Variants in HIP1 observed in about 807,000 individuals in gnomAD.
The protein encoded by HIP1 is huntingtin interacting protein 1.
A neutral mutation model predicts 147.6 loss-of-function variants in HIP1; 65 were observed. That is an observed-to-expected ratio of 0.44 (90% CI 0.36 to 0.54). The LOEUF is 0.54. HIP1 is among the 20% of genes least tolerant of loss of function. HIP1 has a pLI of 0.00. For synonymous variants in HIP1, 479 were observed against 504.0 expected, an observed-to-expected ratio of 0.95 and a Z score of 0.67; for missense variants, 1,061 against 1,299.6, an observed-to-expected ratio of 0.82 and a Z score of 2.82.
At chr7:75,695,837 A>C (rs1158669574) in intron 1 of HIP1, among the ~76,000 whole-genome samples, 5 of 151,752 alleles carry the variant, frequency 3.3e-5, no homozygotes, top group Non-Finnish European at 7.4e-5. Flanking sequence ...GGCCTCCCAA[A>C]GTGCTGGGAT....
chr7:75,675,727 C>A (rs1554515900), intron 1 of HIP1, among the ~76,000 whole-genome samples: 1 of 151,702 alleles, frequency 6.6e-6, no homozygotes, highest in Non-Finnish European at 1.5e-5. Context: ...ACCTGTAATC[C>A]CAGGACATTG....
At position 75,728,148 on chromosome 7, in the gene HIP1, A is replaced by C. The variant is rs548490134; in HGVS notation, c.120+10653T>G. On this transcript the variant is annotated intron_variant, in intron 1 of 30. Coordinates refer to ENST00000336926, the MANE Select transcript of HIP1 (RefSeq NM_005338.7). ...CAACATGCCTTTAAACGATAGTGTTACTTGTGTTAAACACAAGCCATAGGC... is the reference window on the plus strand; with the variant it reads ...CAACATGCCTTTAAACGATAGTGTTCCTTGTGTTAAACACAAGCCATAGGC... 9.6e-4 allele frequency among the ~76,000 whole-genome samples: 146 copies of C among 152,350 alleles called. 1 individual carries two copies. Among genetic ancestry groups the C allele is most frequent in the African/African-American group, 3.4e-3 (143 of 41,592 alleles).
At chr7:75,712,069 G>C (rs146186331) in intron 1 of HIP1, among the ~76,000 whole-genome samples, 1 of 152,230 alleles carries the variant, frequency 6.6e-6, no homozygotes, top group Non-Finnish European at 1.5e-5. Flanking sequence ...GCTGGTGACA[G>C]TTGTAGCATG....
intron 1 of HIP1, among the ~76,000 whole-genome samples, chr7:75,720,814 G>T (rs1256813842): frequency 6.6e-6 from 1 of 151,976 alleles, no homozygotes; most frequent in African/African-American, 2.4e-5. Flanking sequence ...CGAGGTGGGC[G>T]GATCACCTGA....
chr7:75,568,114 C>A lies in HIP1; in HGVS notation c.803+85G>T. 1 of 973,908 alleles carries A rather than the reference C, an allele frequency of 1.0e-6. No homozygotes were observed. Among genetic ancestry groups the A allele is most frequent in the Admixed American group, 1.8e-5 (1 of 56,924 alleles). 60.3% of individuals were successfully genotyped at this position (973,908 alleles called of 1,614,324 possible). On this transcript the variant is annotated intron_variant, in intron 9 of 30. Transcript: ENST00000336926. The surrounding 1 kb of genome is among the most constrained non-coding windows in gnomAD (Gnocchi z 4.1). ...TACAGGCATGAACCACTGTGTCCAG[C>A]CACCTCTCACAGTGCACTTGCATGG...
intron 1 of HIP1, among the ~76,000 whole-genome samples, chr7:75,698,937 T>C (rs1391615489): frequency 1.3e-5 from 2 of 152,168 alleles, no homozygotes; most frequent in African/African-American, 2.4e-5. Context: ...GATCAGTCAA[T>C]TAGTGGTTCT....
At chr7:75,588,021 G>A (rs996501555) in intron 4 of HIP1, among the ~76,000 whole-genome samples, 10 of 152,174 alleles carry the variant, frequency 6.6e-5, no homozygotes, top group African/African-American at 2.4e-4. Context: ...TGGTATAGGG[G>A]AAGTAAAGAT....
At chr7:75,597,175 G>A (rs1380557873) in intron 2 of HIP1, among the ~76,000 whole-genome samples, 1 of 152,218 alleles carries the variant, frequency 6.6e-6, no homozygotes, top group African/African-American at 2.4e-5. Flanking sequence ...GGTTACCCCA[G>A]AGAGGTTCTG....
At chr7:75,599,161 C>T (rs1348527065) in intron 2 of HIP1, 23 bp downstream of exon 2, 8 of 1,600,130 alleles carry the variant, frequency 5.0e-6, no homozygotes, top group Non-Finnish European at 6.9e-6. Flanking sequence ...GGTCGGTCTT[C>T]CAAGCAACAT....
intron 7 of HIP1, among the ~76,000 whole-genome samples, chr7:75,574,457 C>T (rs1404054749): frequency 2.0e-5 from 3 of 150,634 alleles, no homozygotes; most frequent in Non-Finnish European, 4.4e-5. Context: ...GGCATGGTGG[C>T]ACATGCCTGT....
At chr7:75,665,716 T>C (rs1237943088) in intron 1 of HIP1, among the ~76,000 whole-genome samples, 1 of 151,960 alleles carries the variant, frequency 6.6e-6, no homozygotes, top group African/African-American at 2.4e-5. Flanking sequence ...AATTTTTGTA[T>C]TTTCAGTAGA....
chr7:75,561,945 C>G lies in HIP1; in HGVS notation c.1118+128G>C, dbSNP rs1278981106. The G allele has an allele frequency of 1.1e-5, 7 of 651,828 alleles. No individual in the cohort carries two copies. The East Asian group carries it at 1.9e-4, about 17-fold the overall frequency. 40.4% of individuals were successfully genotyped at this position (651,828 alleles called of 1,614,324 possible). ...TACAGGCATAAGCCATTGCCCCCAA[C>G]CCTTCAAGATGTTCTGTATCTAAGA... On this transcript the variant is annotated intron_variant, in intron 12 of 30. Coordinates refer to ENST00000336926, the MANE Select transcript of HIP1 (RefSeq NM_005338.7).
At chr7:75,538,821 G>A (rs969959080) in intron 30 of HIP1, among the ~76,000 whole-genome samples, 1 of 151,910 alleles carries the variant, frequency 6.6e-6, no homozygotes, top group Non-Finnish European at 1.5e-5. Flanking sequence ...TGATCCGCCC[G>A]CCTCGGCCTC....
intron 1 of HIP1, among the ~76,000 whole-genome samples, chr7:75,677,022 C>G (rs983022770): frequency 4.0e-5 from 6 of 151,566 alleles, no homozygotes; most frequent in Non-Finnish European, 5.9e-5. Flanking sequence ...TGGTGAAACC[C>G]CATCTCTACT....
At chr7:75,718,904 C>T (rs1801404259) in intron 1 of HIP1, among the ~76,000 whole-genome samples, 1 of 152,160 alleles carries the variant, frequency 6.6e-6, no homozygotes, top group Non-Finnish European at 1.5e-5. Context: ...GAGTTCCCAC[C>T]ATATATCCTT....
intron 1 of HIP1, among the ~76,000 whole-genome samples, chr7:75,657,333 C>G (rs918950275): frequency 1.3e-5 from 2 of 152,078 alleles, no homozygotes; most frequent in Non-Finnish European, 2.9e-5. Flanking sequence ...GAGTTCGAGA[C>G]CAGCCTGGCC....
rs55679922 is a variant in HIP1, at chr7:75,551,189, A to ATTTTTTTTTTTTTTTT, written c.2296-2204_2296-2189dup. On this transcript the variant is annotated intron_variant, in intron 22 of 30. Coordinates refer to ENST00000336926, the MANE Select transcript of HIP1 (RefSeq NM_005338.7). Reference sequence around the variant, plus strand: ...TAGGGAGGCAAAGATGTAGATGATAATTTTTTTTTTTTTTTTTTTTTTTTT... The same window carrying ATTTTTTTTTTTTTTTT: ...TAGGGAGGCAAAGATGTAGATGATAATTTTTTTTTTTTTTTTTTTTTTTTTTTTTTTTTTTTTTTTT... Among the ~76,000 whole-genome samples the ATTTTTTTTTTTTTTTT allele has an allele frequency of 5.8e-3, 450 of 77,406 alleles. 117 individuals carry two copies. The highest frequency in any genetic ancestry group is 0.016 in the African/African-American group (235 of 14,714). The allele number at this position is 77,406 out of a possible 152,430, so 50.8% of individuals were successfully genotyped here.
chr7:75,647,211 C>CAAAAAAAAAAAAAAAA lies in HIP1; in HGVS notation c.121-47980_121-47965dup, dbSNP rs60972195. The stretch of plus-strand genomic sequence containing the variant: ...CGAAACCCCATCTCTACTAAAAATA[C>CAAAAAAAAAAAAAAAA]AAAAAAAAAAAAAAAAAAAAAAAAA... On this transcript the variant is annotated intron_variant, in intron 1 of 30. Coordinates refer to ENST00000336926, the MANE Select transcript of HIP1 (RefSeq NM_005338.7). Among the ~76,000 whole-genome samples the CAAAAAAAAAAAAAAAA allele has an allele frequency of 1.7e-4, 10 of 58,002 alleles. 2 individuals are homozygous for CAAAAAAAAAAAAAAAA. Among genetic ancestry groups the CAAAAAAAAAAAAAAAA allele is most frequent in the Non-Finnish European group, 2.4e-4 (8 of 33,062 alleles). 38.1% of individuals were successfully genotyped at this position (58,002 alleles called of 152,430 possible).
intron 1 of HIP1, among the ~76,000 whole-genome samples, chr7:75,630,534 T>A (rs985897767): frequency 7.2e-5 from 11 of 151,756 alleles, no homozygotes; most frequent in African/African-American, 2.4e-4. Flanking sequence ...GGAGTGTGCC[T>A]ACTTTTCAAG....
Sources: gnomAD v4.1 joint callset for allele counts (sites outside exome capture counted in the v4.1 genomes callset) on GRCh38, gnomAD v4.1.1 for gene constraint, Gnocchi (gnomAD v3.1) non-coding constraint, MANE v1.5 for transcripts, NCBI Gene and HGNC (gene_info 2026-07-23, HGNC 2026-07-21) for gene names.